DSC3: variants seen among roughly 807,000 people sequenced by gnomAD.
DSC3 encodes desmocollin 3, also known as desmocollin-3.
DSC3 carries 97 observed loss-of-function variants against 89.5 expected under a neutral mutation model. That is an observed-to-expected ratio of 1.08 (90% confidence interval 0.92 to 1.28). The LOEUF is 1.28. Among genes scored for constraint, DSC3 ranks in the 50% most tolerant of loss-of-function variants. The pLI is 0.00. For synonymous variants in DSC3, 436 were observed against 384.1 expected (o/e 1.14, Z -1.58); for missense variants, 1,199 against 1,085.3 (o/e 1.10, Z -1.47).
At chr18:31,007,553 G>A (rs1439160220) in intron 11 of DSC3, among the ~76,000 whole-genome samples, 1 of 152,054 alleles carries the variant, frequency 6.6e-6, no homozygotes, top group East Asian at 1.9e-4. Flanking sequence ...GATTCAGTTA[G>A]TCTAACAAAG....
At chr18:31,000,854 G>C (rs1984627816) in intron 14 of DSC3, among the ~76,000 whole-genome samples, 1 of 151,796 alleles carries the variant, frequency 6.6e-6, no homozygotes, top group Non-Finnish European at 1.5e-5. Context: ...AACTCTGACA[G>C]TGCTTTATCA....
At chr18:31,005,340 A>AT (rs1244106947) in intron 12 of DSC3, among the ~76,000 whole-genome samples, 2 of 152,078 alleles carry the variant, frequency 1.3e-5, no homozygotes, top group Non-Finnish European at 2.9e-5. Flanking sequence ...TTGGCCTCTG[A>AT]TTTTTCTTCA....
rs1472900380 is a variant in DSC3 at position 31,006,897 on chromosome 18, T to G, written c.1888+10A>C. On this transcript the variant is annotated intron_variant, in intron 12 of 15. Coordinates refer to ENST00000360428, the MANE Select transcript of DSC3 (RefSeq NM_001941.5). ...TCAGAGTTTATAAATCATTATTTTTTATTAAATACCATTAACTTTGGTGAG... is the reference window on the plus strand; with the variant it reads ...TCAGAGTTTATAAATCATTATTTTTGATTAAATACCATTAACTTTGGTGAG... The G allele has an allele frequency of 6.3e-7, 1 of 1,580,532 alleles. No individual in the cohort carries two copies. The highest frequency in any genetic ancestry group is 8.7e-7 in the Non-Finnish European group (1 of 1,152,658).
At chr18:31,035,491 T>A (rs1288205833) in intron 1 of DSC3, among the ~76,000 whole-genome samples, 8 of 152,064 alleles carry the variant, frequency 5.3e-5, no homozygotes. Flanking sequence ...TTTAATATTT[T>A]CCTTAAGTAT....
Position 31,006,654 on chromosome 18 carries a change from T to C in DSC3, c.1888+253A>G, listed in dbSNP as rs1789068. Among the ~76,000 whole-genome samples the C allele has an allele frequency of 0.25, 37,507 of 152,094 alleles. 5,117 individuals carry two copies. The highest frequency in any genetic ancestry group is 0.59 in the East Asian group (3,040 of 5,152). ...ACACACACAAAGTTTGTCTTAATGA[T>C]AAGCTGCCCAACATTTTAACAAAGC... On this transcript the variant is annotated intron_variant, in intron 12 of 15. Transcript: ENST00000360428.
Position 30,994,268 on chromosome 18 carries a change from G to A in DSC3, c.2598C>T (p.Cys866=), listed in dbSNP as rs1984377408. ...CATCTTCTTCCTGCTTTTCACTGCAGCAGCCCACAGAACCAGCTGGAGATC... is the reference window on the plus strand; with the variant it reads ...CATCTTCTTCCTGCTTTTCACTGCAACAGCCCACAGAACCAGCTGGAGATC... ...GRGSPAGSVG[C]CSEKQEEDGL... The change falls in exon 16 of 16, where the codon TGC becomes TGT. Residue 866 remains cysteine (C), a synonymous_variant. Transcript: ENST00000360428. 6.2e-7 allele frequency: 1 copy of A among 1,614,048 alleles called. No homozygotes were observed. Among genetic ancestry groups the A allele is most frequent in the Non-Finnish European group, 8.5e-7 (1 of 1,179,988 alleles).
intron 14 of DSC3, among the ~76,000 whole-genome samples, chr18:30,999,978 A>G (rs1455514773): frequency 6.6e-6 from 1 of 152,162 alleles, no homozygotes; most frequent in African/African-American, 2.4e-5. Flanking sequence ...AGTAAAAGTC[A>G]TCCATGCCGG....
At chr18:31,041,264 G>C (rs566424219) in intron 1 of DSC3, among the ~76,000 whole-genome samples, 1 of 152,276 alleles carries the variant, frequency 6.6e-6, no homozygotes, top group East Asian at 1.9e-4. Context: ...AAACTGAAAA[G>C]CTGAAAATGC....
chr18:31,009,705 TC>T (rs1218487032), intron 9 of DSC3, among the ~76,000 whole-genome samples: 1 of 152,182 alleles, frequency 6.6e-6, no homozygotes, highest in African/African-American at 2.4e-5. Context: ...CACTAAATCC[TC>T]ATGACATTAT....
intron 14 of DSC3, among the ~76,000 whole-genome samples, chr18:31,001,199 C>T (rs1348485197): frequency 6.7e-6 from 1 of 150,308 alleles, no homozygotes; most frequent in Non-Finnish European, 1.5e-5. Flanking sequence ...CTTCCAAACC[C>T]CTCTCCCTTT....
chr18:31,018,349 T>A, intron 8 of DSC3, 93 bp from the exon 9 acceptor site: 1 of 904,898 alleles, frequency 1.1e-6, no homozygotes, highest in Non-Finnish European at 1.7e-6. Flanking sequence ...CTTACCATTA[T>A]AATTTTATAT....
intron 9 of DSC3, among the ~76,000 whole-genome samples, chr18:31,011,571 C>A (rs1054787992): frequency 7.9e-5 from 12 of 152,152 alleles, no homozygotes; most frequent in African/African-American, 2.9e-4. Flanking sequence ...TGATGTCATT[C>A]TTTAATCAGT....
At chr18:30,996,375 T>C (rs12606278) in intron 15 of DSC3, among the ~76,000 whole-genome samples, 39,532 of 152,064 alleles carry the variant, frequency 0.26, 5,774 homozygotes, top group East Asian at 0.61. Flanking sequence ...AAAATATATA[T>C]AAATCATGCT....
rs746495032 is a variant in DSC3 at position 31,007,139 on chromosome 18, G to A, written c.1664-8C>T. The A allele has an allele frequency of 1.3e-6, 2 of 1,595,888 alleles. No homozygotes were observed. Among genetic ancestry groups the A allele is most frequent in the African/African-American group, 2.7e-5 (2 of 74,470 alleles). On this transcript the variant is annotated splice_polypyrimidine_tract_variant and splice_region_variant and intron_variant, in intron 11 of 15. Transcript: ENST00000360428. ...CAGTACATGATCTATCATCTAAGGAGACAGGAATAAGGTTTAGTGTTATTT... is the reference window on the plus strand; with the variant it reads ...CAGTACATGATCTATCATCTAAGGAAACAGGAATAAGGTTTAGTGTTATTT...
intron 2 of DSC3, among the ~76,000 whole-genome samples, chr18:31,031,730 C>T (rs1373791150): frequency 6.6e-6 from 1 of 152,180 alleles, no homozygotes; most frequent in Non-Finnish European, 1.5e-5. Flanking sequence ...CTTTCCAAGG[C>T]CGCACACTGA....
chr18:30,995,364 A>G (rs566574320), intron 15 of DSC3, among the ~76,000 whole-genome samples: 7 of 152,360 alleles, frequency 4.6e-5, no homozygotes, highest in African/African-American at 1.7e-4. Context: ...TAGAAAAAGA[A>G]TTAACACTTG....
chr18:30,994,968 T>C (rs1984406638), intron 15 of DSC3, among the ~76,000 whole-genome samples: 1 of 152,212 alleles, frequency 6.6e-6, no homozygotes, highest in African/African-American at 2.4e-5. Flanking sequence ...CCACATTAAC[T>C]TCAGAAGCAA....
chr18:30,997,072 T>A (rs766508672), intron 14 of DSC3, 24 bp from the exon 15 acceptor site: 2 of 1,613,870 alleles, frequency 1.2e-6, no homozygotes, highest in Admixed American at 3.3e-5. Context: ...ATGAAATAAT[T>A]CATGTTGAGA....
chr18:31,013,225 T>C (rs141299135), intron 9 of DSC3, among the ~76,000 whole-genome samples: 2 of 148,486 alleles, frequency 1.3e-5, no homozygotes, highest in East Asian at 2.0e-4. Flanking sequence ...TCTTATTTTA[T>C]GACAAAGAAA....
Sources: allele counts gnomAD v4.1 joint callset (sites outside exome capture counted in the v4.1 genomes callset), GRCh38; gene constraint gnomAD v4.1.1; transcripts MANE v1.5; gene names NCBI Gene and HGNC (gene_info 2026-07-23, HGNC 2026-07-21).